TNR: variants seen among roughly 807,000 people sequenced by gnomAD.
TNR encodes the protein tenascin-R.
TNR carries 45 observed loss-of-function variants against 150.4 expected under a neutral mutation model. The ratio of observed to expected loss-of-function variants is 0.30; its 90% CI spans 0.24 to 0.38. The LOEUF is 0.38. TNR is among the 10% of genes least tolerant of loss of function. TNR has a pLI of 1.00. For synonymous variants in TNR, 687 were observed against 678.4 expected (o/e 1.01, Z -0.20); for missense variants, 1,544 against 1,759.1 (o/e 0.88, Z 2.19).
intron 2 of TNR, among the ~76,000 whole-genome samples, chr1:175,409,480 A>G (rs1654110843): frequency 6.6e-6 from 1 of 152,244 alleles, no homozygotes. Context: ...GTACAGCTTT[A>G]TGTGTAAAAA....
intron 1 of TNR, among the ~76,000 whole-genome samples, chr1:175,670,963 G>C (rs940530709): frequency 2.6e-5 from 4 of 152,138 alleles, no homozygotes; most frequent in Non-Finnish European, 5.9e-5. Context: ...TAGGTTGGAG[G>C]AAGAATGAGT....
At chr1:175,453,278 C>T (rs1039626554) in intron 2 of TNR, among the ~76,000 whole-genome samples, 6 of 151,896 alleles carry the variant, frequency 4.0e-5, no homozygotes, top group East Asian at 1.9e-4. Flanking sequence ...TGATTGGTGA[C>T]GTGTTTTGGA....
At chr1:175,404,438 G>T (rs1450421170) in intron 3 of TNR, among the ~76,000 whole-genome samples, 2 of 152,178 alleles carry the variant, frequency 1.3e-5, no homozygotes, top group Non-Finnish European at 2.9e-5. Context: ...TTCTACGCAT[G>T]TCTCTGTCCT....
At chr1:175,617,760 C>T (rs1663828523) in intron 1 of TNR, among the ~76,000 whole-genome samples, 1 of 152,152 alleles carries the variant, frequency 6.6e-6, no homozygotes, top group African/African-American at 2.4e-5. Flanking sequence ...TGTTCCTCAC[C>T]CTGAGAATAA....
intron 9 of TNR, among the ~76,000 whole-genome samples, chr1:175,370,178 C>T (rs897711274): frequency 1.4e-4 from 21 of 151,978 alleles, no homozygotes; most frequent in African/African-American, 5.1e-4. Context: ...CATCTATGAA[C>T]CTCAATTTCT....
At chr1:175,331,058 T>TTTCTTTCC (rs1553203363) in intron 20 of TNR, among the ~76,000 whole-genome samples, 2 of 116,272 alleles carry the variant, frequency 1.7e-5, no homozygotes, top group African/African-American at 7.3e-5. Flanking sequence ...TCTTTCTTTC[T>TTTCTTTCC]TTCTTTCTTT....
At chr1:175,436,987 G>C (rs946328607) in intron 2 of TNR, among the ~76,000 whole-genome samples, 5 of 152,060 alleles carry the variant, frequency 3.3e-5, no homozygotes, top group Admixed American at 2.6e-4. Context: ...AAGTTAACAA[G>C]GATATCCAGG....
At chr1:175,712,976 G>T (rs6671176) in intron 1 of TNR, among the ~76,000 whole-genome samples, 3,186 of 152,272 alleles carry the variant, frequency 0.021, 115 homozygotes, top group African/African-American at 0.072. Context: ...CCTGGCTGGG[G>T]GAACTGATTG....
chr1:175,720,602 A>G (rs1667271978), intron 1 of TNR, among the ~76,000 whole-genome samples: 1 of 152,188 alleles, frequency 6.6e-6, no homozygotes. Context: ...AGCTTTATGA[A>G]CTATTTTAAA....
intron 1 of TNR, among the ~76,000 whole-genome samples, chr1:175,615,158 T>C (rs978377324): frequency 6.6e-6 from 1 of 152,324 alleles, no homozygotes; most frequent in Admixed American, 6.5e-5. Context: ...TTATAAACCT[T>C]TCATCTTTGG....
At chr1:175,356,968 G>C (rs1283325169) in intron 15 of TNR, among the ~76,000 whole-genome samples, 1 of 152,202 alleles carries the variant, frequency 6.6e-6, no homozygotes, top group Non-Finnish European at 1.5e-5. Flanking sequence ...AATAAACAGG[G>C]TCAGTCTGTG....
At chr1:175,382,849 T>C (rs1271398631) in intron 8 of TNR, among the ~76,000 whole-genome samples, 1 of 149,738 alleles carries the variant, frequency 6.7e-6, no homozygotes, top group African/African-American at 2.5e-5. Context: ...TGCAGTGAGC[T>C]GAGACCATGC....
At chr1:175,330,032 C>G (rs1435988043) in intron 21 of TNR, 42 bp downstream of exon 21, 1 of 1,464,786 alleles carries the variant, frequency 6.8e-7, no homozygotes, top group Admixed American at 2.0e-5. Context: ...GCTCTTGTCC[C>G]ATGCCCACTG....
chr1:175,688,954 T>G (rs960840746), intron 1 of TNR, among the ~76,000 whole-genome samples: 1 of 152,254 alleles, frequency 6.6e-6, no homozygotes, highest in African/African-American at 2.4e-5. Context: ...TCTGCATGCT[T>G]GGCACTATGT....
At chr1:175,554,247 A>T (rs1558003165) in intron 1 of TNR, among the ~76,000 whole-genome samples, 1 of 150,056 alleles carries the variant, frequency 6.7e-6, no homozygotes, top group African/African-American at 2.5e-5. Context: ...TACAGATGGC[A>T]CTCCTATCTC....
chr1:175,336,000 C>G (rs1156560921), intron 19 of TNR, among the ~76,000 whole-genome samples, 193 bp from the exon 20 acceptor site: 1 of 152,218 alleles, frequency 6.6e-6, no homozygotes, highest in East Asian at 1.9e-4. Flanking sequence ...AGGAGACACT[C>G]AGAGCATTTC....
rs1016646049 is a variant in TNR, at chr1:175,599,707, G to A, written c.-164-71338C>T. 5.3e-5 allele frequency among the ~76,000 whole-genome samples: 8 copies of A among 152,360 alleles called. No individual in the cohort carries two copies. The highest frequency in any genetic ancestry group is 1.9e-4 in the African/African-American group (8 of 41,588). ...GGAGGACAGAGGGGCCAGGTGGAGC[G>A]GGGTCTGCAAACAGCCCAGGCTTTT... is the stretch of plus-strand genomic sequence containing the variant. On this transcript the variant is annotated intron_variant, in intron 1 of 22. Transcript: ENST00000367674. This position sits in a 1 kb window ranked among gnomAD's most constrained non-coding sequence, Gnocchi z 4.7.
chr1:175,393,489 A>T (rs1291065213), intron 6 of TNR, among the ~76,000 whole-genome samples: 1 of 152,220 alleles, frequency 6.6e-6, no homozygotes, highest in Non-Finnish European at 1.5e-5. Flanking sequence ...ACTATGGCTC[A>T]TCAGACCCCA....
At chr1:175,448,987 C>T (rs1244551265) in intron 2 of TNR, among the ~76,000 whole-genome samples, 1 of 152,188 alleles carries the variant, frequency 6.6e-6, no homozygotes, top group African/African-American at 2.4e-5. Flanking sequence ...CAATCTAACA[C>T]GATTATTTTT....
Sources: gnomAD v4.1 joint callset for allele counts (sites outside exome capture counted in the v4.1 genomes callset) on GRCh38, gnomAD v4.1.1 for gene constraint, Gnocchi (gnomAD v3.1) non-coding constraint, MANE v1.5 for transcripts, NCBI Gene and HGNC (gene_info 2026-07-23, HGNC 2026-07-21) for gene names.